SLC8A3: variants seen among roughly 807,000 people sequenced by gnomAD.
The protein encoded by SLC8A3 is sodium/calcium exchanger 3.
In SLC8A3, 37 loss-of-function variants were observed where a neutral mutation model predicts 65.4. The observed-to-expected ratio is 0.57, with a 90% confidence interval of 0.44 to 0.74. SLC8A3 has a LOEUF of 0.74. Ranked by LOEUF, SLC8A3 falls within the 30% of genes least tolerant of loss-of-function variation. The pLI, the probability that SLC8A3 is intolerant of heterozygous loss-of-function variation, is 0.00. For missense variants in SLC8A3, 1,112 were observed against 1,172.1 expected (o/e 0.95, Z 0.75); for synonymous variants, 461 against 444.5 (o/e 1.04, Z -0.47).
intron 2 of SLC8A3, among the ~76,000 whole-genome samples, chr14:70,131,438 G>T (rs1279813410): frequency 6.6e-6 from 1 of 152,202 alleles, no homozygotes; most frequent in African/African-American, 2.4e-5. Context: ...TTCCAAGCCT[G>T]TTTCTTCATC....
At chr14:70,110,844 C>T (rs1275177736) in intron 2 of SLC8A3, among the ~76,000 whole-genome samples, 1 of 152,070 alleles carries the variant, frequency 6.6e-6, no homozygotes, top group Non-Finnish European at 1.5e-5. Flanking sequence ...CCGCGCCTGG[C>T]TAATTTTTTG....
Position 70,166,748 on chromosome 14 carries a change from G to A in SLC8A3, c.1675C>T (p.Arg559Trp), listed in dbSNP as rs527303091. 58 of 1,613,836 alleles carry A rather than the reference G, an allele frequency of 3.6e-5. 1 individual carries two copies. The highest frequency in any genetic ancestry group is 1.1e-4 in the South Asian group (10 of 91,062). The change falls in exon 2 of 7, where the codon CGG becomes TGG. Residue 559 changes from arginine (R) to tryptophan (W), a missense_variant. Arg to Trp is a moderately radical substitution (Grantham distance 101). Transcript: ENST00000356921. Reference protein sequence around the residue: ...EVKVLRTSGARGTVIVPFRTV... With the variant: ...EVKVLRTSGAWGTVIVPFRTV... ...CTAAAGGGGACGATGACTGTACCCC[G>A]GGCACCTGATGTCCGCAGAACCTTG...
At chr14:70,182,669 A>G (rs983619774) in intron 1 of SLC8A3, among the ~76,000 whole-genome samples, 1 of 152,120 alleles carries the variant, frequency 6.6e-6, no homozygotes, top group Non-Finnish European at 1.5e-5. Context: ...GAAAAGTGGG[A>G]AGTGAGTGGA....
At chr14:70,085,553 T>A (rs1213221230) in intron 2 of SLC8A3, among the ~76,000 whole-genome samples, 1 of 152,150 alleles carries the variant, frequency 6.6e-6, no homozygotes, top group South Asian at 2.1e-4. Flanking sequence ...CCCTACAACA[T>A]GCCCAGTCCC....
intron 2 of SLC8A3, among the ~76,000 whole-genome samples, chr14:70,081,873 T>C (rs1160392841): frequency 6.6e-6 from 1 of 152,248 alleles, no homozygotes; most frequent in Admixed American, 6.5e-5. Context: ...AAGGAGATTC[T>C]GAAGGTGCTG....
At chr14:70,109,196 C>CTTT (rs61458322) in intron 2 of SLC8A3, among the ~76,000 whole-genome samples, 11 of 136,640 alleles carry the variant, frequency 8.1e-5, no homozygotes, top group East Asian at 2.1e-4. Flanking sequence ...GCAGAAGGTT[C>CTTT]TTTTTTTTTT....
At chr14:70,139,663 C>T (rs536429808) in intron 2 of SLC8A3, among the ~76,000 whole-genome samples, 24 of 152,288 alleles carry the variant, frequency 1.6e-4, no homozygotes, top group African/African-American at 5.8e-4. Flanking sequence ...CTCCCCAAAG[C>T]AGATCATAAG....
At chr14:70,123,518 T>G (rs1475057959) in intron 2 of SLC8A3, among the ~76,000 whole-genome samples, 1 of 151,532 alleles carries the variant, frequency 6.6e-6, no homozygotes, top group Non-Finnish European at 1.5e-5. Context: ...GGTGCAATCT[T>G]GGCTCACTGC....
chr14:70,153,515 G>A (rs1007344765), intron 2 of SLC8A3, among the ~76,000 whole-genome samples: 5 of 152,086 alleles, frequency 3.3e-5, no homozygotes, highest in Non-Finnish European at 5.9e-5. Flanking sequence ...ACAAGAAGGG[G>A]GTGTTGCCTC....
At position 70,167,186 on chromosome 14, in the gene SLC8A3, C is replaced by A. The variant is rs539485123; in HGVS notation, c.1237G>T (p.Ala413Ser). Residue 413 changes from alanine (A) to serine (S), a missense_variant, in exon 2 of 7, where the codon GCT (alanine) becomes TCT (serine). Coordinates refer to ENST00000356921, the MANE Select transcript of SLC8A3 (RefSeq NM_182932.3). ...TTCCTCACCACTGTCAGGAGTACAGCCCCACAGTTCTCCAGGCACTGGTAA... is the reference window on the plus strand; with the variant it reads ...TTCCTCACCACTGTCAGGAGTACAGACCCACAGTTCTCCAGGCACTGGTAA... ...CSYQCLENCG[A>S]VLLTVVRKGG... 4 of 1,614,124 alleles carry A rather than the reference C, an allele frequency of 2.5e-6. No homozygotes were observed. Among genetic ancestry groups the A allele is most frequent in the South Asian group, 1.1e-5 (1 of 91,072 alleles).
At chr14:70,185,499 C>G (rs1253558962) in intron 1 of SLC8A3, among the ~76,000 whole-genome samples, 1 of 152,202 alleles carries the variant, frequency 6.6e-6, no homozygotes. Flanking sequence ...CTTTAGGGTC[C>G]CATCCCCTGG....
At chr14:70,048,666 G>T in intron 6 of SLC8A3, 101 bp downstream of exon 6, 1 of 1,049,592 alleles carries the variant, frequency 9.5e-7, no homozygotes, top group Non-Finnish European at 1.4e-6. Flanking sequence ...GCTCTGTTAA[G>T]TTCAGATCTG....
intron 3 of SLC8A3, among the ~76,000 whole-genome samples, chr14:70,058,169 G>T (rs1324869247): frequency 6.6e-6 from 1 of 151,954 alleles, no homozygotes; most frequent in Non-Finnish European, 1.5e-5. Flanking sequence ...TAATGCAATT[G>T]TCATTTTGAC....
intron 2 of SLC8A3, among the ~76,000 whole-genome samples, chr14:70,143,607 G>A (rs955052458): frequency 8.6e-5 from 13 of 152,028 alleles, no homozygotes; most frequent in Non-Finnish European, 4.4e-5. Context: ...TAGGTTCCAG[G>A]CATCAGTACT....
chr14:70,095,419 T>C (rs1388079691), intron 2 of SLC8A3, among the ~76,000 whole-genome samples: 2 of 152,220 alleles, frequency 1.3e-5, no homozygotes, highest in African/African-American at 4.8e-5. Flanking sequence ...CCAGCCAGGT[T>C]CCTTCTGTGC....
intron 1 of SLC8A3, among the ~76,000 whole-genome samples, chr14:70,172,470 T>G (rs61978189): frequency 0.15 from 23,091 of 152,130 alleles, 1,862 homozygotes; most frequent in Middle Eastern, 0.19. Flanking sequence ...TTTCCAGTCT[T>G]ATGTGGACTT....
At chr14:70,144,773 GC>G (rs1895824121) in intron 2 of SLC8A3, among the ~76,000 whole-genome samples, 1 of 152,088 alleles carries the variant, frequency 6.6e-6, no homozygotes, top group Non-Finnish European at 1.5e-5. Flanking sequence ...TCATTCAGTT[GC>G]CAGTTGCATT....
rs17107826 is a variant in SLC8A3, at chr14:70,143,119, C to T, written c.1784+23520G>A. Reference sequence around the variant, plus strand: ...CGCTGTTGGAGACAGGCTTTTGCTTCTGAGCAGTGCTCACAGATTTTTTGA... The same window carrying T: ...CGCTGTTGGAGACAGGCTTTTGCTTTTGAGCAGTGCTCACAGATTTTTTGA... On this transcript the variant is annotated intron_variant, in intron 2 of 6. Coordinates refer to ENST00000356921, the MANE Select transcript of SLC8A3 (RefSeq NM_182932.3). Among the ~76,000 whole-genome samples, 3,338 of 152,276 alleles carry T rather than the reference C, an allele frequency of 0.022. 381 individuals are homozygous for T. The East Asian group carries it at 0.37, about 17-fold the overall frequency.
intron 2 of SLC8A3, among the ~76,000 whole-genome samples, chr14:70,063,457 T>C (rs1326442473): frequency 4.6e-5 from 7 of 152,188 alleles, no homozygotes; most frequent in African/African-American, 1.7e-4. Context: ...ATGTGGTCCC[T>C]TTTCCCCCCT....
Sources: allele counts gnomAD v4.1 joint callset (sites outside exome capture counted in the v4.1 genomes callset), GRCh38; gene constraint gnomAD v4.1.1; transcripts MANE v1.5; gene names NCBI Gene and HGNC (gene_info 2026-07-23, HGNC 2026-07-21).